Variants in PITPNM2 observed in about 807,000 individuals in gnomAD.
PITPNM2 encodes the protein phosphatidylinositol transfer protein membrane associated 2.
PITPNM2 carries 35 observed loss-of-function variants against 132.2 expected under a neutral mutation model. That is an observed-to-expected ratio of 0.26 (90% CI 0.20 to 0.35). The LOEUF is 0.35. Ranked by LOEUF, PITPNM2 falls within the 10% of genes least tolerant of loss-of-function variation. PITPNM2 has a pLI of 1.00. For synonymous variants in PITPNM2, 738 were observed against 799.2 expected, an observed-to-expected ratio of 0.92 and a Z score of 1.29; for missense variants, 1,332 against 1,912.0, an observed-to-expected ratio of 0.70 and a Z score of 5.66.
At chr12:123,034,851 T>A (rs1487606946) in intron 2 of PITPNM2, among the ~76,000 whole-genome samples, 166 bp from the exon 3 acceptor site, 1 of 152,202 alleles carries the variant, frequency 6.6e-6, no homozygotes, top group Non-Finnish European at 1.5e-5. Context: ...TTCCAACCTT[T>A]ATTTTTCTTG....
chr12:123,139,811 C>T (rs1214504030), intron 1 of PITPNM2, among the ~76,000 whole-genome samples: 2 of 152,212 alleles, frequency 1.3e-5, no homozygotes, highest in East Asian at 3.9e-4. Flanking sequence ...TGTTTGCTTT[C>T]TGGGGAATCC....
Position 123,150,206 on chromosome 12 carries a change from C to CA in PITPNM2, c.-200+546dup, listed in dbSNP as rs2043699947. 6.6e-6 allele frequency among the ~76,000 whole-genome samples: 1 copy of CA among 152,072 alleles called. No individual in the cohort carries two copies. Among genetic ancestry groups the CA allele is most frequent in the Non-Finnish European group, 1.5e-5 (1 of 68,006 alleles). ...GAAAGGATTCGGGGTGGGAAGAAGA[C>CA]AGAGCCGGCACCCCATTACCACACG... is the stretch of plus-strand genomic sequence containing the variant. On this transcript the variant is annotated intron_variant, in intron 1 of 25. Transcript: ENST00000320201. The surrounding 1 kb of genome is among the most constrained non-coding windows in gnomAD (Gnocchi z 6.0).
intron 2 of PITPNM2, chr12:123,087,374 T>A (rs1251585020): frequency 6.6e-6 from 1 of 151,962 alleles, no homozygotes; most frequent in Non-Finnish European, 1.5e-5. Flanking sequence ...TGCCTCAGCC[T>A]CCCGAGTAGC....
At chr12:123,040,779 CATG>C (rs969538579) in intron 2 of PITPNM2, among the ~76,000 whole-genome samples, 17 of 151,782 alleles carry the variant, frequency 1.1e-4, no homozygotes, top group African/African-American at 2.9e-4. Flanking sequence ...TCACGTAGAA[CATG>C]ATACTTTTTT....
intron 1 of PITPNM2, among the ~76,000 whole-genome samples, chr12:123,130,836 G>T (rs1428962143): frequency 6.6e-6 from 1 of 152,154 alleles, no homozygotes; most frequent in Non-Finnish European, 1.5e-5. Flanking sequence ...AGCCTTCCCT[G>T]TAATAAATGT....
rs1318495129 is a variant in PITPNM2, at chr12:122,993,001, A to AT, written c.2234-333dup. 1.3e-5 allele frequency among the ~76,000 whole-genome samples: 2 copies of AT among 151,576 alleles called. No individual in the cohort carries two copies. Among genetic ancestry groups the AT allele is most frequent in the African/African-American group, 4.9e-5 (2 of 41,204 alleles). ...CCACCACACCTGGCTTTTTTATTTT[A>AT]TTTTTTGTAGAGATGGGGTCTTACT... On this transcript the variant is annotated intron_variant, in intron 15 of 25. Coordinates refer to ENST00000320201, the MANE Select transcript of PITPNM2 (RefSeq NM_020845.3). This position sits in a 1 kb window ranked among gnomAD's most constrained non-coding sequence, Gnocchi z 5.2.
Position 122,988,302 on chromosome 12 carries a change from C to T in PITPNM2, c.2929G>A (p.Val977Met). 6.2e-7 allele frequency: 1 copy of T among 1,613,502 alleles called. No homozygotes were observed. Among genetic ancestry groups the T allele is most frequent in the Admixed American group, 1.7e-5 (1 of 60,012 alleles). ...SSILELDGKEVSVFTPSKPRE... is the reference protein window; with the variant it reads ...SSILELDGKEMSVFTPSKPRE... ...GGCTTTGAGGGGGTGAACACCGACACTTCCTTGCCATCCAGCTCCAAGATG... is the reference window on the plus strand; with the variant it reads ...GGCTTTGAGGGGGTGAACACCGACATTTCCTTGCCATCCAGCTCCAAGATG... Residue 977 changes from valine to methionine, a missense_variant, in exon 20 of 26, where the codon GTG becomes ATG. By Grantham distance (21) the Val-to-Met change is conservative. Transcript: ENST00000320201.
chr12:123,034,636 C>T lies in PITPNM2; in HGVS notation c.-46G>A, dbSNP rs759153066. 6.4e-7 allele frequency: 1 copy of T among 1,557,904 alleles called. No individual in the cohort carries two copies. The highest frequency in any genetic ancestry group is 8.9e-7 in the Non-Finnish European group (1 of 1,128,740). ...GTCGATGGGGAACTGCAAGTTGGGACTTCTAGGCAAGGTTCCTTAAATAAC... is the reference window on the plus strand; with the variant it reads ...GTCGATGGGGAACTGCAAGTTGGGATTTCTAGGCAAGGTTCCTTAAATAAC... On this transcript the variant is annotated 5_prime_UTR_variant, in exon 3 of 26. Transcript: ENST00000320201.
chr12:123,108,193 G>A lies in PITPNM2; in HGVS notation c.-96+2192C>T, dbSNP rs1200399439. The stretch of plus-strand genomic sequence containing the variant: ...TCTCTGGCAACTGGAATGGTCCCTG[G>A]TGCAAACTAAGTAACAATAAATACT... On this transcript the variant is annotated intron_variant, in intron 2 of 25. Transcript: ENST00000320201. The surrounding 1 kb of genome is among the most constrained non-coding windows in gnomAD (Gnocchi z 4.4). 2.0e-5 allele frequency among the ~76,000 whole-genome samples: 3 copies of A among 152,174 alleles called. No individual in the cohort carries two copies. Among genetic ancestry groups the A allele is most frequent in the African/African-American group, 7.2e-5 (3 of 41,422 alleles).
At position 122,994,049 on chromosome 12, in the gene PITPNM2, A is replaced by G. The variant is rs2038310972; in HGVS notation, c.2233+752T>C. On this transcript the variant is annotated intron_variant, in intron 15 of 25. Transcript: ENST00000320201. This position sits in a 1 kb window ranked among gnomAD's most constrained non-coding sequence, Gnocchi z 5.4. ...GCTGCCACACCTGGCTAATTTTGTA[A>G]TTTTAGTAGAGACGGGGTTTCTCCA... Among the ~76,000 whole-genome samples, 2 of 151,930 alleles carry G rather than the reference A, an allele frequency of 1.3e-5. No individual in the cohort carries two copies. Among genetic ancestry groups the G allele is most frequent in the South Asian group, 4.2e-4 (2 of 4,814 alleles).
At chr12:123,061,499 T>C (rs1011737541) in intron 2 of PITPNM2, among the ~76,000 whole-genome samples, 3 of 152,220 alleles carry the variant, frequency 2.0e-5, no homozygotes, top group Non-Finnish European at 4.4e-5. Flanking sequence ...GAGTAGGCCC[T>C]CTCACTGCAC....
chr12:123,000,845 C>A lies in PITPNM2; in HGVS notation c.1157G>T (p.Gly386Val), dbSNP rs929179830. The A allele has an allele frequency of 6.2e-7, 1 of 1,614,072 alleles. No individual in the cohort carries two copies. The highest frequency in any genetic ancestry group is 1.3e-5 in the African/African-American group (1 of 75,080). The change falls in exon 10 of 26, where the codon GGT becomes GTT. Residue 386 changes from glycine to valine, a missense_variant. By Grantham distance (109) the Gly-to-Val change is moderately radical. Around this residue, in one of 6 missense-constraint regions of PITPNM2, gnomAD observed 710 missense variants for 911.5 expected, o/e 0.78. Transcript: ENST00000320201. This position sits in a 1 kb window ranked among gnomAD's most constrained non-coding sequence, Gnocchi z 5.4. ...CTCAGGGGCACCCTGGCGGTACAGACCATCTGCAAAGACACAGAAGCCGTG... is the reference window on the plus strand; with the variant it reads ...CTCAGGGGCACCCTGGCGGTACAGAACATCTGCAAAGACACAGAAGCCGTG... ...ESPEPEDTQD[G>V]LYRQGAPEFR...
At chr12:123,057,507 C>G (rs1376890991) in intron 2 of PITPNM2, among the ~76,000 whole-genome samples, 1 of 152,164 alleles carries the variant, frequency 6.6e-6, no homozygotes, top group Non-Finnish European at 1.5e-5. Context: ...GTCTCCTCAC[C>G]CTACAAGTAT....
At chr12:123,142,178 T>G (rs905510857) in intron 1 of PITPNM2, among the ~76,000 whole-genome samples, 1 of 152,174 alleles carries the variant, frequency 6.6e-6, no homozygotes, top group Non-Finnish European at 1.5e-5. Flanking sequence ...AAACTAATAC[T>G]CTCTATCACA....
intron 10 of PITPNM2, among the ~76,000 whole-genome samples, chr12:122,998,025 C>T (rs1017371136): frequency 4.1e-4 from 63 of 152,166 alleles, no homozygotes; most frequent in African/African-American, 1.4e-3. Flanking sequence ...TTGGCCTGAG[C>T]AGACAGGGCC....
intron 2 of PITPNM2, among the ~76,000 whole-genome samples, chr12:123,076,362 G>C (rs948533831): frequency 6.6e-6 from 1 of 152,140 alleles, no homozygotes; most frequent in African/African-American, 2.4e-5. Flanking sequence ...AGGGTCTCTG[G>C]GGGGCTCAAA....
At chr12:123,063,123 A>T (rs1006655632) in intron 2 of PITPNM2, among the ~76,000 whole-genome samples, 2 of 152,204 alleles carry the variant, frequency 1.3e-5, no homozygotes, top group African/African-American at 4.8e-5. Flanking sequence ...GGGCCCGCTG[A>T]CCCCTGCTCA....
At chr12:123,110,909 G>A (rs577562812) in intron 1 of PITPNM2, among the ~76,000 whole-genome samples, 12 of 152,326 alleles carry the variant, frequency 7.9e-5, no homozygotes, top group Non-Finnish European at 1.3e-4. Context: ...AGAAGAGTGG[G>A]AGACACAGTC....
intron 13 of PITPNM2, among the ~76,000 whole-genome samples, chr12:122,996,126 C>T (rs1012445075): frequency 6.6e-6 from 1 of 152,220 alleles, no homozygotes; most frequent in Non-Finnish European, 1.5e-5. Flanking sequence ...AAAACTGCTA[C>T]AGCTCTTTCA....
Sources: allele counts gnomAD v4.1 joint callset (sites outside exome capture counted in the v4.1 genomes callset), GRCh38; gene constraint gnomAD v4.1.1; regional missense constraint gnomAD v4.1.1; non-coding constraint Gnocchi (gnomAD v3.1); transcripts MANE v1.5; gene names NCBI Gene and HGNC (gene_info 2026-07-23, HGNC 2026-07-21).